The following AKAP17A variants were observed in gnomAD, a reference collection of about 807,000 sequenced individuals.
The protein encoded by AKAP17A is A-kinase anchoring protein 17A, also known as A-kinase anchor protein 17A.
A neutral mutation model predicts 52.2 loss-of-function variants in AKAP17A; 15 were observed. That is an observed-to-expected ratio of 0.29 (90% CI 0.19 to 0.44). The LOEUF (loss-of-function observed/expected upper bound fraction) is 0.44. AKAP17A is among the 20% of genes least tolerant of loss of function. AKAP17A has a pLI of 1.00. For synonymous variants in AKAP17A, 514 were observed against 424.7 expected, an observed-to-expected ratio of 1.21 and a Z score of -2.58; for missense variants, 1,060 against 1,007.0, an observed-to-expected ratio of 1.05 and a Z score of -0.71.
intron 2 of AKAP17A, among the ~76,000 whole-genome samples, chrX:1,594,800 G>A (rs761725529): frequency 2.6e-5 from 4 of 152,064 alleles, no homozygotes; most frequent in African/African-American, 4.8e-5. Context: ...TGTATTTTTA[G>A]TAGAAACAGG....
chrX:1,600,011 G>A (rs1363875024), intron 4 of AKAP17A: 2 of 534,126 alleles, frequency 3.7e-6, no homozygotes, highest in African/African-American at 3.8e-5. Flanking sequence ...TGAGCCCGGG[G>A]CCAGGGCCCA....
At chrX:1,597,390 A>G (rs1359057998) in intron 3 of AKAP17A, among the ~76,000 whole-genome samples, 2 of 152,178 alleles carry the variant, frequency 1.3e-5, no homozygotes, top group Admixed American at 6.5e-5. Flanking sequence ...GGCAGGCAGC[A>G]CAGAGAGGCA....
At position 1,601,073 on chromosome X, in the gene AKAP17A, A is replaced by C. The variant is rs765633495; in HGVS notation, c.1567A>C (p.Lys523Gln). ...NGSVAEEAPC[K>Q]EVQSSCRVVP... ...GAGCGTGGCCGAGGAGGCCCCATGC[A>C]AGGAGGTTCAGAGCTCCTGTCGTGT... Residue 523 changes from lysine to glutamine, a missense_variant, in exon 5 of 5, where the codon AAG becomes CAG. Lys to Gln is a moderately conservative substitution (Grantham distance 53). Transcript: ENST00000313871. 1.5e-5 allele frequency: 24 copies of C among 1,613,422 alleles called. No homozygotes were observed. The East Asian group carries it at 5.1e-4, about 34-fold the overall frequency.
chrX:1,595,082 C>T (rs1348420479), intron 2 of AKAP17A, among the ~76,000 whole-genome samples: 11 of 152,226 alleles, frequency 7.2e-5, no homozygotes, highest in South Asian at 2.1e-4. Context: ...GGAGCTGTGT[C>T]TCGCAGCGGT....
In AKAP17A at chrX:1,593,537, G is replaced by A. The variant is rs754727615; in HGVS notation, c.75G>A (p.Lys25=). 2.5e-6 allele frequency: 4 copies of A among 1,613,652 alleles called. No homozygotes were observed. The highest frequency in any genetic ancestry group is 2.2e-5 in the South Asian group (2 of 91,082). Residue 25 remains lysine (K), a synonymous_variant, in exon 2 of 5, where the codon AAG becomes AAA. Coordinates refer to ENST00000313871, the MANE Select transcript of AKAP17A (RefSeq NM_005088.3). ...GCCCTGCTTACGGCTTGTACCTGAA[G>A]CCCATCACCAAGATGACCATCAGCG... ...ELCPAYGLYL[K]PITKMTISVA...
At chrX:1,597,256 G>A (rs184548657) in intron 3 of AKAP17A, among the ~76,000 whole-genome samples, 8 of 152,288 alleles carry the variant, frequency 5.3e-5, no homozygotes, top group Admixed American at 1.3e-4. Context: ...GGGGAGAGTC[G>A]GGTTGTCAGC....
intron 3 of AKAP17A, 21 bp from the exon 4 acceptor site, chrX:1,599,171 C>T (rs1432165927): frequency 2.2e-5 from 35 of 1,609,566 alleles, no homozygotes; most frequent in Admixed American, 3.4e-5. Context: ...TCTGTGACCA[C>T]CCCCGGTGTG....
Position 1,601,765 on chromosome X carries a change from C to T in AKAP17A, c.*171C>T, listed in dbSNP as rs1933400150. 1 of 533,200 alleles carries T rather than the reference C, an allele frequency of 1.9e-6. No individual in the cohort carries two copies. The highest frequency in any genetic ancestry group is 3.3e-5 in the East Asian group (1 of 30,016). The allele number at this position is 533,200 out of a possible 1,614,324, so 33.0% of individuals were successfully genotyped here. ...AAGGAAGACACCATGCTTTAGAGAT[C>T]CATCTTTCTCCACTCACCGCAGCGT... On this transcript the variant is annotated 3_prime_UTR_variant, in exon 5 of 5. Coordinates refer to ENST00000313871, the MANE Select transcript of AKAP17A (RefSeq NM_005088.3).
In AKAP17A at chrX:1,597,809, A is replaced by G. The variant is rs1354857132; in HGVS notation, c.912-1383A>G. Reference sequence around the variant, plus strand: ...GGGACCCCGTCTGCCTGGCCAGACCACAGAGGGATTGGGGGAAGCGGGGCC... The same window carrying G: ...GGGACCCCGTCTGCCTGGCCAGACCGCAGAGGGATTGGGGGAAGCGGGGCC... On this transcript the variant is annotated intron_variant, in intron 3 of 4. Transcript: ENST00000313871. Among the ~76,000 whole-genome samples the G allele has an allele frequency of 2.0e-5, 3 of 152,034 alleles. No individual in the cohort carries two copies. In the East Asian group the frequency reaches 5.8e-4, roughly 29 times the overall value.
chrX:1,601,086 G>A lies in AKAP17A; in HGVS notation c.1580G>A (p.Ser527Asn). Residue 527 changes from serine to asparagine, a missense_variant, in exon 5 of 5, where the codon AGC (serine) becomes AAC (asparagine). By Grantham distance (46) the Ser-to-Asn change is conservative (BLOSUM62 1). Coordinates refer to ENST00000313871, the MANE Select transcript of AKAP17A (RefSeq NM_005088.3). ...GAGGCCCCATGCAAGGAGGTTCAGA[G>A]CTCCTGTCGTGTGGTCCCCGAGGAT... The part of the protein sequence containing the change: ...AEEAPCKEVQ[S>N]SCRVVPEDGS... 9 of 1,613,682 alleles carry A rather than the reference G, an allele frequency of 5.6e-6. No individual in the cohort carries two copies. The highest frequency in any genetic ancestry group is 7.6e-6 in the Non-Finnish European group (9 of 1,179,692).
Position 1,601,984 on chromosome X carries a change from C to T in AKAP17A, c.*390C>T, listed in dbSNP as rs1471397720. 1.2e-4 allele frequency: 25 copies of T among 208,362 alleles called. No homozygotes were observed. The highest frequency in any genetic ancestry group is 2.0e-4 in the Non-Finnish European group (21 of 105,078). 12.9% of individuals were successfully genotyped at this position (208,362 alleles called of 1,614,324 possible). A position where few individuals can be genotyped will look rare whatever the true frequency, so the allele number is the denominator to read the frequency against. On this transcript the variant is annotated 3_prime_UTR_variant, in exon 5 of 5. Transcript: ENST00000313871. ...CTGCGTGCACGGCCTAGGAGGTGCA[C>T]GGGCCACCATAGTCACACTGGCACT...
intron 4 of AKAP17A, chrX:1,600,370 G>A: frequency 1.6e-6 from 1 of 641,986 alleles, no homozygotes; most frequent in Non-Finnish European, 2.6e-6. Context: ...GCAGGGCTCG[G>A]CTCTGCCCAA....
At position 1,600,401 on chromosome X, in the gene AKAP17A, G is replaced by A. The variant is rs760091903; in HGVS notation, c.1153-258G>A. 849 of 622,480 alleles carry A rather than the reference G, an allele frequency of 1.4e-3. 3 individuals are homozygous for A. Among genetic ancestry groups the A allele is most frequent in the Admixed American group, 2.0e-3 (67 of 33,436 alleles). The allele number at this position is 622,480 out of a possible 1,614,324, so 38.6% of individuals were successfully genotyped here. A position where few individuals can be genotyped will look rare whatever the true frequency, so the allele number is the denominator to read the frequency against. On this transcript the variant is annotated intron_variant, in intron 4 of 4. Transcript: ENST00000313871. ...CCCAAGAGGCCCGCCCTGGGGCTGC[G>A]CCGAGCCGCTTTGCCAAGGGGTTTC...
Position 1,600,982 on chromosome X carries a change from G to A in AKAP17A, c.1476G>A (p.Pro492=), listed in dbSNP as rs776491568. 116 of 1,596,888 alleles carry A rather than the reference G, an allele frequency of 7.3e-5. 2 individuals carry two copies. In the Middle Eastern group the frequency reaches 8.3e-4, roughly 11 times the overall value. Residue 492 remains proline (P), a synonymous_variant, in exon 5 of 5, where the codon CCG becomes CCA. Coordinates refer to ENST00000313871, the MANE Select transcript of AKAP17A (RefSeq NM_005088.3). ...TGCACCCCCTCGGGGGCCAGCCCCC[G>A]GCCGGTGCCCCCAAGGAGAGCCCGG... ...TTLHPLGGQP[P]AGAPKESPAH... is the part of the protein sequence containing the mutation.
At chrX:1,597,094 T>C (rs1277373529) in intron 3 of AKAP17A, among the ~76,000 whole-genome samples, 2 of 152,206 alleles carry the variant, frequency 1.3e-5, no homozygotes, top group Non-Finnish European at 2.9e-5. Flanking sequence ...TGGTCCGTTT[T>C]GTTTCCATTT....
chrX:1,598,143 CGTGCTGT>C (rs1194620422), intron 3 of AKAP17A, among the ~76,000 whole-genome samples: 1 of 152,206 alleles, frequency 6.6e-6, no homozygotes, highest in African/African-American at 2.4e-5. Context: ...CGCCTAAGGG[CGTGCTGT>C]GTGCTGGGCT....
chrX:1,594,065 C>T lies in AKAP17A; in HGVS notation c.603C>T (p.Gly201=). The T allele has an allele frequency of 6.2e-7, 1 of 1,613,348 alleles. No individual in the cohort carries two copies. The highest frequency in any genetic ancestry group is 2.2e-5 in the East Asian group (1 of 44,884). The change falls in exon 2 of 5, where the codon GGC becomes GGT. Residue 201 remains glycine, a synonymous_variant. Transcript: ENST00000313871. ...ACCCCTACCGGGAGGAGATGACGGG[C>T]CGCAACTTCCACACCTTCAGTTTCG... ...MLDPYREEMT[G]RNFHTFSFGG... is the part of the protein sequence containing the mutation.
In AKAP17A at chrX:1,601,663, CTTGGCCGCTCT is replaced by C; in HGVS notation, c.*70_*80del. On this transcript the variant is annotated 3_prime_UTR_variant, in exon 5 of 5. Transcript: ENST00000313871. ...ACCTGCTCGAGCCTCCTGGCCGCTC[CTTGGCCGCTCT>C]CCGTCCACCCCTGCAAAGCCAAGAC... The C allele has an allele frequency of 2.3e-6, 3 of 1,326,808 alleles. No homozygotes were observed. Among genetic ancestry groups the C allele is most frequent in the Non-Finnish European group, 2.9e-6 (3 of 1,031,874 alleles). The allele number at this position is 1,326,808 out of a possible 1,614,324, so 82.2% of individuals were successfully genotyped here.
rs759580702 is a variant in AKAP17A at position 1,600,993 on chromosome X, C to G, written c.1487C>G (p.Pro496Arg). 4 of 1,602,964 alleles carry G rather than the reference C, an allele frequency of 2.5e-6. No individual in the cohort carries two copies. The highest frequency in any genetic ancestry group is 1.1e-5 in the South Asian group (1 of 90,134). Residue 496 changes from proline to arginine, a missense_variant, in exon 5 of 5, where the codon CCC becomes CGC. By Grantham distance (103) the Pro-to-Arg change is moderately radical. Around this residue, in one of 2 missense-constraint regions of AKAP17A, gnomAD observed 793 missense variants for 629.9 expected, o/e 1.26. Transcript: ENST00000313871. Reference sequence around the variant, plus strand: ...GGGGGCCAGCCCCCGGCCGGTGCCCCCAAGGAGAGCCCGGCCCACCCAGAG... The same window carrying G: ...GGGGGCCAGCCCCCGGCCGGTGCCCGCAAGGAGAGCCCGGCCCACCCAGAG... ...PLGGQPPAGA[P>R]KESPAHPEAD... is the part of the protein sequence containing the mutation.
Sources: gnomAD v4.1 joint callset for allele counts (sites outside exome capture counted in the v4.1 genomes callset) on GRCh38, gnomAD v4.1.1 for gene constraint, gnomAD v4.1.1 regional missense constraint, MANE v1.5 for transcripts, NCBI Gene and HGNC (gene_info 2026-07-23, HGNC 2026-07-21) for gene names.